Variants in PRKG2 observed in about 807,000 individuals in gnomAD.
The protein encoded by PRKG2 is protein kinase cGMP-dependent 2, also known as cGMP-dependent protein kinase 2.
In PRKG2, 33 loss-of-function variants were observed where a neutral mutation model predicts 97.2. That is an observed-to-expected ratio of 0.34 (90% CI 0.26 to 0.45). The LOEUF (loss-of-function observed/expected upper bound fraction) is 0.45, where lower values mean the gene tolerates loss of function less well. Among genes scored for constraint, PRKG2 ranks in the 20% least tolerant of loss-of-function variants. PRKG2 has a pLI of 1.00. For synonymous variants in PRKG2, 330 were observed against 321.8 expected, an observed-to-expected ratio of 1.03 and a Z score of -0.27; for missense variants, 638 against 900.0, an observed-to-expected ratio of 0.71 and a Z score of 3.73.
At chr4:81,151,867 C>G (rs545507418) in intron 8 of PRKG2, 93 bp downstream of exon 8, 2 of 972,530 alleles carry the variant, frequency 2.1e-6, no homozygotes, top group South Asian at 1.5e-5. Flanking sequence ...TTGCCATTAA[C>G]TTGGTAGCTC....
At chr4:81,165,217 C>T (rs1298084874) in intron 6 of PRKG2, among the ~76,000 whole-genome samples, 1 of 152,014 alleles carries the variant, frequency 6.6e-6, no homozygotes, top group Non-Finnish European at 1.5e-5. Context: ...CAAGAAATGC[C>T]ATTGGAACAT....
At chr4:81,107,183 G>A (rs1431344893) in intron 15 of PRKG2, among the ~76,000 whole-genome samples, 2 of 152,176 alleles carry the variant, frequency 1.3e-5, no homozygotes, top group Non-Finnish European at 2.9e-5. Context: ...GGGTTATGGG[G>A]AAGGGAATCA....
chr4:81,091,092 A>G (rs1239594826), intron 18 of PRKG2, among the ~76,000 whole-genome samples: 2 of 152,186 alleles, frequency 1.3e-5, no homozygotes, highest in South Asian at 2.1e-4. Flanking sequence ...TGTCAAGCAT[A>G]GAAGCATTTT....
At chr4:81,125,067 C>G (rs1216044088) in intron 14 of PRKG2, among the ~76,000 whole-genome samples, 1 of 151,990 alleles carries the variant, frequency 6.6e-6, no homozygotes, top group African/African-American at 2.4e-5. Flanking sequence ...TGTCTCTATT[C>G]TATGTAAATT....
intron 2 of PRKG2, chr4:81,176,010 T>G (rs1423865458): frequency 6.6e-6 from 1 of 152,154 alleles, no homozygotes. Context: ...GGTGATCTTT[T>G]TCTACACAAA....
intron 12 of PRKG2, among the ~76,000 whole-genome samples, chr4:81,139,008 G>A (rs929733927): frequency 1.3e-5 from 2 of 151,948 alleles, no homozygotes; most frequent in African/African-American, 4.8e-5. Context: ...GTCATTGCAG[G>A]GATATTTTAC....
intron 17 of PRKG2, among the ~76,000 whole-genome samples, chr4:81,103,900 A>C (rs968771990): frequency 6.6e-6 from 1 of 152,012 alleles, no homozygotes; most frequent in Non-Finnish European, 1.5e-5. Context: ...GTGTGGTGGC[A>C]GGTGCCTGTA....
intron 3 of PRKG2, among the ~76,000 whole-genome samples, chr4:81,172,298 T>C (rs1395337508): frequency 3.9e-5 from 6 of 152,082 alleles, no homozygotes; most frequent in East Asian, 1.9e-4. Context: ...CTGTATGTCA[T>C]AAAAACACAG....
chr4:81,180,677 T>C (rs1751326981), intron 2 of PRKG2, among the ~76,000 whole-genome samples: 1 of 152,166 alleles, frequency 6.6e-6, no homozygotes, highest in African/African-American at 2.4e-5. Context: ...ACATTGATTC[T>C]GGGAGATTTT....
In PRKG2 at chr4:81,144,253, T is replaced by C. The variant is rs1257158457; in HGVS notation, c.1232A>G (p.Asp411Gly). ...LEGYVANLNR[D>G]DEKRHAKRSM... ...TTACTTCGCATGTCTTTTTTCATCATCACGGTTCAGGTTTGCCACATATCC... is the reference window on the plus strand; with the variant it reads ...TTACTTCGCATGTCTTTTTTCATCACCACGGTTCAGGTTTGCCACATATCC... The change falls in exon 10 of 19, where the codon GAT (aspartate) becomes GGT (glycine). Residue 411 changes from aspartate to glycine, a missense_variant. Asp to Gly is a moderately conservative substitution (Grantham distance 94). Transcript: ENST00000264399. 3.1e-6 allele frequency: 5 copies of C among 1,611,050 alleles called. No individual in the cohort carries two copies. The highest frequency in any genetic ancestry group is 4.2e-6 in the Non-Finnish European group (5 of 1,177,356).
At chr4:81,172,243 G>A (rs1750547832) in intron 3 of PRKG2, among the ~76,000 whole-genome samples, 1 of 152,038 alleles carries the variant, frequency 6.6e-6, no homozygotes, top group Admixed American at 6.6e-5. Flanking sequence ...TATGAGAAAT[G>A]TAATACATGA....
intron 2 of PRKG2, among the ~76,000 whole-genome samples, chr4:81,203,952 C>T (rs192311442): frequency 4.6e-5 from 7 of 152,278 alleles, no homozygotes; most frequent in Admixed American, 1.3e-4. Flanking sequence ...TCCCTTCACT[C>T]CAGATACCAC....
At chr4:81,216,933 A>G (rs1381389710), upstream of PRKG2, among the ~76,000 whole-genome samples, 1 of 114,544 alleles carries the variant, frequency 8.7e-6, no homozygotes, top group Non-Finnish European at 1.8e-5. Context: ...GTGTGTGTGT[A>G]GTACCCCTGA....
intron 3 of PRKG2, among the ~76,000 whole-genome samples, chr4:81,173,471 T>C (rs1245618193): frequency 6.6e-6 from 1 of 152,128 alleles, no homozygotes; most frequent in Non-Finnish European, 1.5e-5. Context: ...CTATCTTCTC[T>C]TGCTGCAATA....
At chr4:81,112,105 A>T (rs1252306625) in intron 14 of PRKG2, among the ~76,000 whole-genome samples, 2 of 152,136 alleles carry the variant, frequency 1.3e-5, no homozygotes, top group Non-Finnish European at 2.9e-5. Context: ...CCTTAAATAA[A>T]CCCCTTAGAA....
At chr4:81,123,241 A>G (rs956503608) in intron 14 of PRKG2, among the ~76,000 whole-genome samples, 1 of 152,212 alleles carries the variant, frequency 6.6e-6, no homozygotes, top group African/African-American at 2.4e-5. Context: ...TTTATTAGGT[A>G]AATAGAATAT....
At chr4:81,212,446 A>G (rs1754030447) in intron 1 of PRKG2, among the ~76,000 whole-genome samples, 1 of 152,176 alleles carries the variant, frequency 6.6e-6, no homozygotes, top group African/African-American at 2.4e-5. Flanking sequence ...ATTATAGCTG[A>G]CAGAATTTTT....
Position 81,152,070 on chromosome 4 carries a change from CA to C in PRKG2, c.991-17del. ...TTACTTTTACCTAAACAATGTTAAG[CA>C]ATACAAACAGAAAGAGACTGAAGAA... On this transcript the variant is annotated splice_polypyrimidine_tract_variant and intron_variant, in intron 7 of 18. Transcript: ENST00000264399. The C allele has an allele frequency of 6.4e-7, 1 of 1,567,962 alleles. No individual in the cohort carries two copies. The highest frequency in any genetic ancestry group is 1.1e-5 in the South Asian group (1 of 88,082).
chr4:81,131,503 A>T (rs144037147), intron 14 of PRKG2, among the ~76,000 whole-genome samples: 11 of 152,280 alleles, frequency 7.2e-5, no homozygotes, highest in Admixed American at 3.3e-4. Context: ...GATTTGTAGG[A>T]GTTCTTTACA....
Sources: gnomAD v4.1 joint callset for allele counts (sites outside exome capture counted in the v4.1 genomes callset) on GRCh38, gnomAD v4.1.1 for gene constraint, MANE v1.5 for transcripts, NCBI Gene and HGNC (gene_info 2026-07-23, HGNC 2026-07-21) for gene names.